The following ATP8B4 variants were observed in gnomAD, a reference collection of about 807,000 sequenced individuals.
The protein encoded by ATP8B4 is probable phospholipid-transporting ATPase IM.
In ATP8B4, 133 loss-of-function variants were observed where a neutral mutation model predicts 145.6. The observed-to-expected ratio is 0.91, with a 90% confidence interval of 0.79 to 1.05. ATP8B4 has a LOEUF of 1.05. ATP8B4 is among the 50% of genes least tolerant of loss of function. The pLI, the probability that ATP8B4 is intolerant of heterozygous loss-of-function variation, is 0.00. For missense variants in ATP8B4, 1,458 were observed against 1,425.2 expected (o/e 1.02, Z -0.37); for synonymous variants, 507 against 492.9 (o/e 1.03, Z -0.38).
intron 6 of ATP8B4, among the ~76,000 whole-genome samples, chr15:50,025,751 C>G (rs2049960768): frequency 6.6e-6 from 1 of 152,232 alleles, no homozygotes; most frequent in Non-Finnish European, 1.5e-5. Flanking sequence ...TGACCAGACA[C>G]TAAGCTCTGT....
intron 23 of ATP8B4, among the ~76,000 whole-genome samples, chr15:49,888,580 A>G (rs1034076943): frequency 6.6e-6 from 1 of 152,190 alleles, no homozygotes. Context: ...ATTTGGCTGT[A>G]TCCTTGGTAG....
At chr15:50,136,739 T>C (rs970047757) in intron 1 of ATP8B4, among the ~76,000 whole-genome samples, 2 of 151,986 alleles carry the variant, frequency 1.3e-5, no homozygotes, top group Non-Finnish European at 2.9e-5. Flanking sequence ...GGCTCTGGAG[T>C]CAGACTGGCC....
At chr15:50,039,250 GAAGTC>G (rs1026318718) in intron 5 of ATP8B4, among the ~76,000 whole-genome samples, 5 of 152,176 alleles carry the variant, frequency 3.3e-5, no homozygotes, top group African/African-American at 1.2e-4. Flanking sequence ...GGATTTCTTT[GAAGTC>G]AAGAAGTTAC....
At chr15:50,029,167 A>C (rs1484686007) in intron 6 of ATP8B4, among the ~76,000 whole-genome samples, 1 of 139,188 alleles carries the variant, frequency 7.2e-6, no homozygotes, top group African/African-American at 2.7e-5. Flanking sequence ...CAGGAGGTGG[A>C]GGTTGCAGTG....
intron 14 of ATP8B4, among the ~76,000 whole-genome samples, chr15:49,944,555 G>A (rs577845337): frequency 4.6e-5 from 7 of 152,040 alleles, no homozygotes; most frequent in African/African-American, 7.2e-5. Context: ...TCAGATCATC[G>A]AAATATATGA....
chr15:49,967,440 G>A (rs2044656836), intron 13 of ATP8B4, among the ~76,000 whole-genome samples: 2 of 152,190 alleles, frequency 1.3e-5, no homozygotes, highest in African/African-American at 4.8e-5. Context: ...ACCTGATGGA[G>A]CTGAAAAACA....
intron 20 of ATP8B4, 76 bp from the exon 21 acceptor site, chr15:49,901,315 C>T: frequency 2.1e-6 from 3 of 1,451,690 alleles, no homozygotes; most frequent in Admixed American, 4.2e-5. Context: ...AGAAACTTGC[C>T]TAGAGGTAAA....
chr15:50,121,044 G>A (rs76613715), upstream of ATP8B4, among the ~76,000 whole-genome samples: 5,247 of 152,256 alleles, frequency 0.034, 122 homozygotes, highest in East Asian at 0.11. Context: ...AGAAAAAGAT[G>A]TCCAAGATGT....
At chr15:49,904,679 T>C (rs1324210436) in intron 20 of ATP8B4, among the ~76,000 whole-genome samples, 2 of 152,208 alleles carry the variant, frequency 1.3e-5, no homozygotes, top group Admixed American at 6.5e-5. Context: ...TGATGTATAA[T>C]AGATAGCCCA....
intron 14 of ATP8B4, among the ~76,000 whole-genome samples, chr15:49,939,401 TA>T (rs2041989916): frequency 6.6e-6 from 1 of 151,456 alleles, no homozygotes; most frequent in Admixed American, 6.6e-5. Flanking sequence ...AAAAACATAA[TA>T]AAAAACACAA....
intron 23 of ATP8B4, among the ~76,000 whole-genome samples, chr15:49,881,278 A>C (rs147760368): frequency 6.6e-6 from 1 of 152,308 alleles, no homozygotes; most frequent in East Asian, 1.9e-4. Flanking sequence ...ACCCAATATA[A>C]TCTCAAGAGC....
At chr15:49,929,711 A>AT (rs909368269) in intron 16 of ATP8B4, among the ~76,000 whole-genome samples, 9 of 152,036 alleles carry the variant, frequency 5.9e-5, no homozygotes, top group African/African-American at 2.2e-4. Flanking sequence ...AAAGAAAACA[A>AT]TGGGACAAGA....
chr15:49,875,271 T>G (rs2034237235), intron 25 of ATP8B4, among the ~76,000 whole-genome samples: 1 of 152,228 alleles, frequency 6.6e-6, no homozygotes, highest in Non-Finnish European at 1.5e-5. Context: ...GCCTTTTATT[T>G]CAGTTACTAC....
chr15:50,130,833 C>A (rs2057341239), intron 1 of ATP8B4, among the ~76,000 whole-genome samples: 1 of 151,730 alleles, frequency 6.6e-6, no homozygotes, highest in Admixed American at 6.6e-5. Flanking sequence ...TCTAAGCAAC[C>A]CTCCTTAGTC....
At chr15:50,097,742 C>G (rs992996575) in intron 2 of ATP8B4, among the ~76,000 whole-genome samples, 1 of 152,076 alleles carries the variant, frequency 6.6e-6, no homozygotes, top group African/African-American at 2.4e-5. Flanking sequence ...CTCATGTCAG[C>G]CATAAAACTG....
intron 11 of ATP8B4, 65 bp from the exon 12 acceptor site, chr15:49,979,878 C>G (rs57301935): frequency 8.5e-7 from 1 of 1,179,302 alleles, no homozygotes. Context: ...TCAACATGAT[C>G]TAATTACGCA....
chr15:50,001,747 CTA>C (rs1437625545), intron 8 of ATP8B4, among the ~76,000 whole-genome samples: 2 of 152,264 alleles, frequency 1.3e-5, no homozygotes, highest in Non-Finnish European at 2.9e-5. Context: ...TCTTCTTTTT[CTA>C]TGTCTTCATT....
chr15:50,074,309 T>C (rs746084297), intron 2 of ATP8B4, 124 bp from the exon 3 acceptor site: 91 of 817,740 alleles, frequency 1.1e-4, no homozygotes, highest in Admixed American at 1.6e-4. Flanking sequence ...CTTTCAAATT[T>C]GAAGGTATTG....
chr15:50,016,932 A>T (rs1463955176), intron 6 of ATP8B4, among the ~76,000 whole-genome samples: 1 of 152,180 alleles, frequency 6.6e-6, no homozygotes, highest in South Asian at 2.1e-4. Context: ...GGCAGTGGGC[A>T]GGGGAGGTCT....
Sources: allele counts gnomAD v4.1 joint callset (sites outside exome capture counted in the v4.1 genomes callset), GRCh38; gene constraint gnomAD v4.1.1; transcripts MANE v1.5; gene names NCBI Gene and HGNC (gene_info 2026-07-23, HGNC 2026-07-21).